ANO10: variants seen among roughly 807,000 people sequenced by gnomAD.
ANO10 encodes the protein anoctamin 10.
In ANO10, 77 loss-of-function variants were observed where a neutral mutation model predicts 74.7. That is an observed-to-expected ratio of 1.03 (90% CI 0.86 to 1.25). The LOEUF (loss-of-function observed/expected upper bound fraction) is 1.25, where lower values mean the gene tolerates loss of function less well. ANO10 is among the 50% of genes most tolerant of loss of function. The pLI is 0.00. For synonymous variants in ANO10, 279 were observed against 284.9 expected (o/e 0.98, Z 0.21); for missense variants, 721 against 778.1 (o/e 0.93, Z 0.87).
chr3:43,438,979 G>A (rs1383573618), intron 11 of ANO10, among the ~76,000 whole-genome samples: 1 of 152,042 alleles, frequency 6.6e-6, no homozygotes, highest in Non-Finnish European at 1.5e-5. Flanking sequence ...AACTTAATTT[G>A]AGGAAATAAT....
At chr3:43,595,606 G>A (rs1319604500) in intron 4 of ANO10, among the ~76,000 whole-genome samples, 1 of 152,100 alleles carries the variant, frequency 6.6e-6, no homozygotes, top group Admixed American at 6.6e-5. Context: ...CTGATGGGAT[G>A]TATCTCAAAA....
intron 12 of ANO10, among the ~76,000 whole-genome samples, chr3:43,405,688 A>G (rs1229426515): frequency 6.6e-6 from 1 of 151,708 alleles, no homozygotes; most frequent in African/African-American, 2.4e-5. Context: ...TGCCCAGGCT[A>G]CTCTTGAACT....
intron 12 of ANO10, among the ~76,000 whole-genome samples, chr3:43,399,878 C>T (rs2092448657): frequency 6.6e-6 from 1 of 152,026 alleles, no homozygotes; most frequent in Admixed American, 6.6e-5. Flanking sequence ...CTCATAGTTC[C>T]AAAGCTCCTT....
chr3:43,606,315 A>C (rs1404040913), intron 1 of ANO10, among the ~76,000 whole-genome samples: 1 of 152,172 alleles, frequency 6.6e-6, no homozygotes, highest in Admixed American at 6.5e-5. Context: ...AGAAATACAA[A>C]TGTTTAGGTA....
chr3:43,558,912 A>G (rs1297287220), intron 9 of ANO10, among the ~76,000 whole-genome samples: 3 of 152,214 alleles, frequency 2.0e-5, no homozygotes, highest in Non-Finnish European at 4.4e-5. Context: ...CTGCAGGTCC[A>G]AAAAGGAGTG....
At chr3:43,680,449 C>T (rs559720969) in intron 1 of ANO10, among the ~76,000 whole-genome samples, 4 of 152,146 alleles carry the variant, frequency 2.6e-5, no homozygotes, top group African/African-American at 4.8e-5. Flanking sequence ...ACCAAATCTA[C>T]GTCTGATTGC....
chr3:43,385,980 C>T (rs1170801320), intron 12 of ANO10, among the ~76,000 whole-genome samples: 4 of 152,140 alleles, frequency 2.6e-5, no homozygotes, highest in Non-Finnish European at 4.4e-5. Flanking sequence ...AAATATTATA[C>T]AACATTAAAT....
At chr3:43,535,610 T>C (rs2078679577) in intron 11 of ANO10, among the ~76,000 whole-genome samples, 1 of 152,150 alleles carries the variant, frequency 6.6e-6, no homozygotes, top group Admixed American at 6.6e-5. Context: ...AGGATGTTGA[T>C]TTATATTTTA....
At chr3:43,433,940 A>G (rs552506662) in intron 11 of ANO10, among the ~76,000 whole-genome samples, 1 of 152,382 alleles carries the variant, frequency 6.6e-6, no homozygotes, top group Non-Finnish European at 1.5e-5. Flanking sequence ...ACAGCCTTTA[A>G]GAAATGTTGC....
intron 1 of ANO10, among the ~76,000 whole-genome samples, chr3:43,674,140 T>C (rs1188526088): frequency 6.6e-6 from 1 of 152,100 alleles, no homozygotes; most frequent in Non-Finnish European, 1.5e-5. Context: ...GTGTGGGATA[T>C]TCACCCATGA....
At chr3:43,473,114 T>C (rs1026887700) in intron 11 of ANO10, among the ~76,000 whole-genome samples, 1 of 152,136 alleles carries the variant, frequency 6.6e-6, no homozygotes, top group Non-Finnish European at 1.5e-5. Flanking sequence ...CAAATCAGTG[T>C]GTTGTGAAAT....
At chr3:43,558,344 A>T (rs2079863174) in intron 9 of ANO10, among the ~76,000 whole-genome samples, 2 of 152,176 alleles carry the variant, frequency 1.3e-5, no homozygotes, top group African/African-American at 4.8e-5. Flanking sequence ...ATGAAAATTC[A>T]GCCTCACCCA....
intron 11 of ANO10, among the ~76,000 whole-genome samples, chr3:43,472,268 G>C (rs2075886969): frequency 6.6e-6 from 1 of 152,078 alleles, no homozygotes. Flanking sequence ...ATTTGGAAAG[G>C]AGGATGAAAC....
chr3:43,424,124 C>A (rs2092862476), intron 12 of ANO10, among the ~76,000 whole-genome samples: 1 of 152,270 alleles, frequency 6.6e-6, no homozygotes, highest in East Asian at 1.9e-4. Flanking sequence ...GACTTTGCCC[C>A]ATTTGAGTGT....
At chr3:43,570,731 C>A (rs1462046573) in intron 7 of ANO10, among the ~76,000 whole-genome samples, 1 of 143,958 alleles carries the variant, frequency 6.9e-6, no homozygotes, top group East Asian at 2.0e-4. Context: ...CATAAAAACC[C>A]TAGAAGAAAA....
chr3:43,390,896 G>A (rs772688773), intron 12 of ANO10, among the ~76,000 whole-genome samples: 5 of 152,170 alleles, frequency 3.3e-5, no homozygotes, highest in Non-Finnish European at 7.3e-5. Context: ...AAGTTTCTCA[G>A]GTCCCACTTG....
chr3:43,431,795 C>G (rs2148939110), intron 12 of ANO10, among the ~76,000 whole-genome samples: 1 of 152,192 alleles, frequency 6.6e-6, no homozygotes, highest in Admixed American at 6.5e-5. Flanking sequence ...GGCGCACTAC[C>G]CTTGGAGCCC....
chr3:43,600,648 AATAAAT>A (rs570085534), intron 2 of ANO10, 67 bp from the exon 3 acceptor site: 1 of 1,295,670 alleles, frequency 7.7e-7, no homozygotes, highest in Non-Finnish European at 1.1e-6. Context: ...AAACTTTCTA[AATAAAT>A]ATAATGTTTC....
At chr3:43,507,239 C>T (rs2077329540) in intron 11 of ANO10, among the ~76,000 whole-genome samples, 1 of 152,174 alleles carries the variant, frequency 6.6e-6, no homozygotes, top group African/African-American at 2.4e-5. Flanking sequence ...GAGTCAGATA[C>T]CACAAACAGA....
Sources: allele counts gnomAD v4.1 joint callset (sites outside exome capture counted in the v4.1 genomes callset), GRCh38; gene constraint gnomAD v4.1.1; transcripts MANE v1.5; gene names NCBI Gene and HGNC (gene_info 2026-07-23, HGNC 2026-07-21).